UMAD1: variants seen among roughly 807,000 people sequenced by gnomAD.
UMAD1 encodes the protein UBAP1-MVB12-associated (UMA) domain containing 1.
In UMAD1, 8 loss-of-function variants were observed where a neutral mutation model predicts 6.1. The ratio of observed to expected loss-of-function variants is 1.30; its 90% CI spans 0.76 to 2.35. UMAD1 has a LOEUF of 2.35. UMAD1 is among the 30% of genes most tolerant of loss of function. The pLI, the probability that UMAD1 is intolerant of heterozygous loss-of-function variation, is 0.00. For synonymous variants in UMAD1, 56 were observed against 31.4 expected (o/e 1.78, Z -2.61); for missense variants, 130 against 78.4 (o/e 1.66, Z -2.49).
At chr7:7,689,563 T>C (rs952061454) in intron 2 of UMAD1, 2 of 152,230 alleles carry the variant, frequency 1.3e-5, no homozygotes, top group Admixed American at 6.5e-5. Flanking sequence ...GATGTGCTTA[T>C]AATGCTATCT....
At chr7:7,686,708 G>T (rs1780049179) in intron 2 of UMAD1, among the ~76,000 whole-genome samples, 1 of 152,092 alleles carries the variant, frequency 6.6e-6, no homozygotes, top group Admixed American at 6.5e-5. Context: ...TGTGATATGG[G>T]GCAGACACTA....
intron 3 of UMAD1, among the ~76,000 whole-genome samples, chr7:7,872,077 C>T (rs1784342328): frequency 6.7e-6 from 1 of 149,616 alleles, no homozygotes; most frequent in Non-Finnish European, 1.5e-5. Context: ...CTCTACTCAG[C>T]CATAAAAAAA....
At chr7:7,782,451 A>G (rs1678294415) in intron 2 of UMAD1, among the ~76,000 whole-genome samples, 1 of 152,152 alleles carries the variant, frequency 6.6e-6, no homozygotes, top group Admixed American at 6.5e-5. Context: ...CAGAGATAAG[A>G]AAATGTGTCT....
intron 2 of UMAD1, chr7:7,740,998 A>C (rs182238775): frequency 6.6e-6 from 1 of 152,212 alleles, no homozygotes; most frequent in African/African-American, 2.4e-5. Flanking sequence ...TAATGTTGAA[A>C]TTAGGAATTC....
At chr7:7,728,646 GA>G (rs71014706) in intron 2 of UMAD1, among the ~76,000 whole-genome samples, 11,717 of 108,886 alleles carry the variant, frequency 0.11, 514 homozygotes, top group East Asian at 0.17. Context: ...TCCATCTTAA[GA>G]AAAAAAAAAA....
intron 1 of UMAD1, among the ~76,000 whole-genome samples, chr7:7,670,877 C>A (rs535443152): frequency 1.3e-5 from 2 of 152,206 alleles, no homozygotes; most frequent in South Asian, 2.1e-4. Context: ...GGACCCCTAT[C>A]TTGGGCCCAA....
At chr7:7,803,753 C>G (rs1027237045) in intron 3 of UMAD1, among the ~76,000 whole-genome samples, 6 of 151,366 alleles carry the variant, frequency 4.0e-5, no homozygotes, top group African/African-American at 1.2e-4. Flanking sequence ...AAAGGGAGAA[C>G]TCTAGTCTCT....
chr7:7,807,360 CA>C lies in UMAD1; in HGVS notation c.156+5618del, dbSNP rs1184728906. Among the ~76,000 whole-genome samples the C allele has an allele frequency of 3.9e-5, 6 of 152,146 alleles. No homozygotes were observed. In the South Asian group the frequency reaches 1.0e-3, roughly 26 times the overall value. On this transcript the variant is annotated intron_variant, in intron 3 of 3. Transcript: ENST00000682710. Reference sequence around the variant, plus strand: ...CTTCATTAAGAACATTTTAGAAATACAGAAGCAAATCCTAATGTGAAATTGC... The same window carrying C: ...CTTCATTAAGAACATTTTAGAAATACGAAGCAAATCCTAATGTGAAATTGC...
chr7:7,775,204 A>G (rs1222048679), intron 2 of UMAD1, among the ~76,000 whole-genome samples: 7 of 152,186 alleles, frequency 4.6e-5, no homozygotes. Flanking sequence ...GATGCTCAGC[A>G]TCGGTAGTTA....
chr7:7,838,196 G>A (rs1186910750), intron 3 of UMAD1, among the ~76,000 whole-genome samples: 1 of 152,122 alleles, frequency 6.6e-6, no homozygotes, highest in Non-Finnish European at 1.5e-5. Context: ...CTTGCAGGGC[G>A]CATATAGTCT....
chr7:7,807,246 A>G (rs10247839), intron 3 of UMAD1, among the ~76,000 whole-genome samples: 39,966 of 152,094 alleles, frequency 0.26, 5,596 homozygotes, highest in African/African-American at 0.37. Context: ...AAAAGGCATC[A>G]TGCATTAGAT....
chr7:7,856,564 G>A (rs1167532308), intron 3 of UMAD1, among the ~76,000 whole-genome samples: 5 of 152,170 alleles, frequency 3.3e-5, no homozygotes, highest in African/African-American at 1.2e-4. Context: ...ATTTTGGATG[G>A]CGACACCGCC....
intron 2 of UMAD1, among the ~76,000 whole-genome samples, chr7:7,752,461 T>G (rs1781696239): frequency 6.6e-6 from 1 of 152,120 alleles, no homozygotes; most frequent in Non-Finnish European, 1.5e-5. Flanking sequence ...AGTATATATA[T>G]TAGTTGCCAC....
intron 2 of UMAD1, among the ~76,000 whole-genome samples, chr7:7,799,483 G>A (rs958717147): frequency 5.3e-5 from 8 of 152,186 alleles, no homozygotes; most frequent in Non-Finnish European, 7.3e-5. Context: ...AGAAAATGGC[G>A]AAGGAAGGAC....
At chr7:7,788,453 C>G (rs1441259274) in intron 2 of UMAD1, among the ~76,000 whole-genome samples, 1 of 152,158 alleles carries the variant, frequency 6.6e-6, no homozygotes, top group Non-Finnish European at 1.5e-5. Context: ...CTCACTGTCA[C>G]CCAGTGCTTC....
chr7:7,669,256 T>C (rs1779546062), intron 1 of UMAD1, among the ~76,000 whole-genome samples: 1 of 152,118 alleles, frequency 6.6e-6, no homozygotes, highest in African/African-American at 2.4e-5. Flanking sequence ...TTGTATACGG[T>C]ATTTTGATAT....
chr7:7,748,643 C>T (rs1285237769), intron 2 of UMAD1, among the ~76,000 whole-genome samples: 1 of 152,086 alleles, frequency 6.6e-6, no homozygotes, highest in Non-Finnish European at 1.5e-5. Flanking sequence ...TGCCGATTTA[C>T]ACATTTACCA....
At chr7:7,676,333 G>C (rs564726068) in intron 2 of UMAD1, 2 of 392,404 alleles carry the variant, frequency 5.1e-6, no homozygotes, top group African/African-American at 4.1e-5. Context: ...GAAAAACCCT[G>C]TGAGTGAGGT....
intron 3 of UMAD1, among the ~76,000 whole-genome samples, chr7:7,825,853 C>T (rs963926639): frequency 3.9e-5 from 6 of 152,090 alleles, no homozygotes; most frequent in Non-Finnish European, 7.4e-5. Flanking sequence ...GGATTGGTTC[C>T]ATGACCTCTG....
Sources: gnomAD v4.1 joint callset for allele counts (sites outside exome capture counted in the v4.1 genomes callset) on GRCh38, gnomAD v4.1.1 for gene constraint, MANE v1.5 for transcripts, NCBI Gene and HGNC (gene_info 2026-07-23, HGNC 2026-07-21) for gene names.